ATG13: variants seen among roughly 807,000 people sequenced by gnomAD.
The protein encoded by ATG13 is autophagy-related protein 13.
ATG13 carries 23 observed loss-of-function variants against 65.5 expected under a neutral mutation model. That is an observed-to-expected ratio of 0.35 (90% CI 0.25 to 0.50). The LOEUF (loss-of-function observed/expected upper bound fraction) is 0.50. ATG13 is among the 20% of genes least tolerant of loss of function. ATG13 has a pLI of 0.98. For missense variants in ATG13, 566 were observed against 677.0 expected (o/e 0.84, Z 1.82); for synonymous variants, 252 against 245.2 (o/e 1.03, Z -0.26).
At chr11:46,622,120 TATA>T (rs1565398880) in intron 1 of ATG13, among the ~76,000 whole-genome samples, 6 of 117,610 alleles carry the variant, frequency 5.1e-5, no homozygotes, top group African/African-American at 1.7e-4. Flanking sequence ...TATATATATA[TATA>T]TATATTTATT....
chr11:46,621,195 A>C (rs2047385965), intron 1 of ATG13: 1 of 152,028 alleles, frequency 6.6e-6, no homozygotes, highest in Non-Finnish European at 1.5e-5. Flanking sequence ...TTGTATTTTT[A>C]GCAGAGACTG....
At position 46,630,315 on chromosome 11, in the gene ATG13, T is replaced by G. The variant is rs912725550; in HGVS notation, c.-14+215T>G. Among the ~76,000 whole-genome samples, 4 of 152,142 alleles carry G rather than the reference T, an allele frequency of 2.6e-5. No homozygotes were observed. The South Asian group carries it at 8.3e-4, about 31-fold the overall frequency. ...AGTGAAATGAAGTTGGAACAGGAAG[T>G]GAACTGATTTGAACCAAGAACCCTG... On this transcript the variant is annotated intron_variant, in intron 2 of 18. Coordinates refer to ENST00000683050, the MANE Select transcript of ATG13 (RefSeq NM_001346311.2).
At chr11:46,654,912 A>G (rs965959358) in intron 7 of ATG13, among the ~76,000 whole-genome samples, 1 of 150,944 alleles carries the variant, frequency 6.6e-6, no homozygotes, top group African/African-American at 2.4e-5. Flanking sequence ...CAGCCTGGGC[A>G]ATGTGGCGAA....
At chr11:46,643,613 T>C (rs1428523028) in intron 2 of ATG13, among the ~76,000 whole-genome samples, 4 of 122,720 alleles carry the variant, frequency 3.3e-5, no homozygotes, top group Non-Finnish European at 6.6e-5. Context: ...CTGGGAGGGC[T>C]TTTTTTTTTT....
intron 11 of ATG13, among the ~76,000 whole-genome samples, chr11:46,661,419 G>A (rs571431392): frequency 1.5e-4 from 23 of 150,754 alleles, no homozygotes; most frequent in Non-Finnish European, 2.7e-4. Flanking sequence ...TCAGGAGGCC[G>A]AGGCAGGAGA....
intron 2 of ATG13, among the ~76,000 whole-genome samples, chr11:46,633,313 A>G (rs1409707897): frequency 6.6e-6 from 1 of 150,520 alleles, no homozygotes; most frequent in East Asian, 2.0e-4. Flanking sequence ...GAGCCACTGC[A>G]CCCAGCCCCC....
At chr11:46,636,972 C>T (rs1268137530) in intron 2 of ATG13, among the ~76,000 whole-genome samples, 1 of 152,108 alleles carries the variant, frequency 6.6e-6, no homozygotes, top group African/African-American at 2.4e-5. Flanking sequence ...TGTAATTAGC[C>T]TGCCTTGGCC....
intron 2 of ATG13, chr11:46,638,623 C>G (rs1354430322): frequency 6.6e-6 from 1 of 152,170 alleles, no homozygotes; most frequent in African/African-American, 2.4e-5. Flanking sequence ...AACTCCTATT[C>G]TACTCTCTAC....
intron 1 of ATG13, among the ~76,000 whole-genome samples, chr11:46,621,911 A>G (rs763587519): frequency 6.6e-6 from 1 of 151,252 alleles, no homozygotes; most frequent in Non-Finnish European, 1.5e-5. Context: ...TGTACTCTTT[A>G]TGGAATCTGG....
chr11:46,653,865 G>A (rs1202505024), intron 7 of ATG13, among the ~76,000 whole-genome samples: 1 of 152,100 alleles, frequency 6.6e-6, no homozygotes, highest in Non-Finnish European at 1.5e-5. Flanking sequence ...CACCGCGCCT[G>A]GCGAAGCTTC....
intron 1 of ATG13, among the ~76,000 whole-genome samples, chr11:46,621,720 A>C (rs1480155731): frequency 6.6e-6 from 1 of 152,112 alleles, no homozygotes; most frequent in African/African-American, 2.4e-5. Context: ...GTGATCAAGG[A>C]AAGGAGCACT....
At chr11:46,671,513 G>A (rs1253904978) in intron 18 of ATG13, among the ~76,000 whole-genome samples, 2 of 152,104 alleles carry the variant, frequency 1.3e-5, no homozygotes, top group Non-Finnish European at 2.9e-5. Flanking sequence ...CGAGGCGGGT[G>A]GATCACAACA....
At chr11:46,645,242 A>G (rs749159787) in intron 3 of ATG13, 97 bp from the exon 4 acceptor site, 8 of 991,204 alleles carry the variant, frequency 8.1e-6, no homozygotes, top group Non-Finnish European at 1.2e-5. Context: ...CATCTTTTAA[A>G]CTCTGTATTG....
In ATG13 at chr11:46,673,624, G is replaced by A. The variant is rs1247980061; in HGVS notation, c.*1292G>A. 2 of 152,176 alleles carry A rather than the reference G, an allele frequency of 1.3e-5. No individual in the cohort carries two copies. Among genetic ancestry groups the A allele is most frequent in the African/African-American group, 4.8e-5 (2 of 41,410 alleles). The allele number at this position is 152,176 out of a possible 1,614,324, so 9.4% of individuals were successfully genotyped here. On this transcript the variant is annotated 3_prime_UTR_variant, in exon 19 of 19. Coordinates refer to ENST00000683050, the MANE Select transcript of ATG13 (RefSeq NM_001346311.2). Reference sequence around the variant, plus strand: ...CCTCTAATCCCAGGTTCTCTACACTGCCCTGGGGTTTACCAGCTGGATTGG... The same window carrying A: ...CCTCTAATCCCAGGTTCTCTACACTACCCTGGGGTTTACCAGCTGGATTGG...
Position 46,664,861 on chromosome 11 carries a change from C to A in ATG13, c.901C>A (p.Arg301Ser). Residue 301 changes from arginine to serine, a missense_variant, in exon 13 of 19, where the codon CGC (arginine) becomes AGC (serine). Coordinates refer to ENST00000683050, the MANE Select transcript of ATG13 (RefSeq NM_001346311.2). Reference sequence around the variant, plus strand: ...TTCTCTTGCTTAGCTCTCAAGCTCTCGCCTTTCCTATCAGCCTGCTGCCCT... The same window carrying A: ...TTCTCTTGCTTAGCTCTCAAGCTCTAGCCTTTCCTATCAGCCTGCTGCCCT... The part of the protein sequence containing the change: ...LAFSHQLSSS[R>S]LSYQPAALGV... 6.2e-7 allele frequency: 1 copy of A among 1,613,830 alleles called. No individual in the cohort carries two copies. Among genetic ancestry groups the A allele is most frequent in the South Asian group, 1.1e-5 (1 of 91,074 alleles).
Position 46,643,716 on chromosome 11 carries a change from A to G in ATG13, c.-13-563A>G, listed in dbSNP as rs145607913. ...AGCAGTCCTCCTGCCTTGGCCTCCCAATGTGTTGGGATTACAGGCATGACC... is the reference window on the plus strand; with the variant it reads ...AGCAGTCCTCCTGCCTTGGCCTCCCGATGTGTTGGGATTACAGGCATGACC... On this transcript the variant is annotated intron_variant, in intron 2 of 18. Transcript: ENST00000683050. Among the ~76,000 whole-genome samples, 1,412 of 150,696 alleles carry G rather than the reference A, an allele frequency of 9.4e-3. 13 individuals carry two copies. The highest frequency in any genetic ancestry group is 0.033 in the African/African-American group (1,363 of 40,898).
Position 46,672,356 on chromosome 11 carries a change from A to G in ATG13, c.*24A>G. The stretch of plus-strand genomic sequence containing the variant: ...AAAAGTATCCTTGAGTCCCAGCAGC[A>G]CCCCCTTTTTGTGGCCCCAGGGCAT... On this transcript the variant is annotated 3_prime_UTR_variant, in exon 19 of 19. Transcript: ENST00000683050. The G allele has an allele frequency of 6.8e-6, 11 of 1,614,020 alleles. No individual in the cohort carries two copies. Among genetic ancestry groups the G allele is most frequent in the Non-Finnish European group, 8.5e-6 (10 of 1,179,940 alleles).
chr11:46,671,257 C>T (rs756712061), intron 18 of ATG13, among the ~76,000 whole-genome samples: 2 of 152,208 alleles, frequency 1.3e-5, no homozygotes, highest in Non-Finnish European at 2.9e-5. Flanking sequence ...CCCCTACTGG[C>T]AGGAAATTGT....
chr11:46,657,376 T>G, intron 9 of ATG13, 148 bp from the exon 10 acceptor site: 1 of 947,026 alleles, frequency 1.1e-6, no homozygotes, highest in Non-Finnish European at 1.6e-6. Context: ...GTCCAGAACG[T>G]AGGATTGGTG....
Sources: gnomAD v4.1 joint callset for allele counts (sites outside exome capture counted in the v4.1 genomes callset) on GRCh38, gnomAD v4.1.1 for gene constraint, MANE v1.5 for transcripts, NCBI Gene and HGNC (gene_info 2026-07-23, HGNC 2026-07-21) for gene names.